Variants in FLT3LG observed in about 807,000 individuals in gnomAD.
FLT3LG encodes the protein fms-related tyrosine kinase 3 ligand.
FLT3LG carries 8 observed loss-of-function variants against 30.9 expected under a neutral mutation model. The observed-to-expected ratio is 0.26, with a 90% CI of 0.15 to 0.47. The LOEUF (loss-of-function observed/expected upper bound fraction) is 0.47, where lower values mean the gene tolerates loss of function less well. FLT3LG is among the 20% of genes least tolerant of loss of function. The pLI, the probability that FLT3LG is intolerant of heterozygous loss-of-function variation, is 0.99. For missense variants in FLT3LG, 278 were observed against 306.2 expected (o/e 0.91, Z 0.69); for synonymous variants, 123 against 135.9 (o/e 0.91, Z 0.66).
At chr19:49,480,230 C>A in intron 6 of FLT3LG, 68 bp from the exon 7 acceptor site, 2 of 1,197,522 alleles carry the variant, frequency 1.7e-6, no homozygotes, top group Non-Finnish European at 2.3e-6. Flanking sequence ...CCAGTGGCAG[C>A]CAGGCCTCTC....
intron 6 of FLT3LG, among the ~76,000 whole-genome samples, chr19:49,479,281 G>A (rs1232303926): frequency 4.1e-5 from 6 of 147,982 alleles, no homozygotes; most frequent in South Asian, 2.1e-4. Context: ...TGCAAGCTCC[G>A]CCTCTCGGGT....
At chr19:49,481,677 T>C (rs114016095) in intron 8 of FLT3LG, 3,375 of 152,264 alleles carry the variant, frequency 0.022, 133 homozygotes, top group African/African-American at 0.077. Context: ...GCAGGCCTCA[T>C]GTGGGGCTGG....
At chr19:49,479,339 C>T (rs528292984) in intron 6 of FLT3LG, among the ~76,000 whole-genome samples, 28 of 151,444 alleles carry the variant, frequency 1.8e-4, no homozygotes, top group Non-Finnish European at 2.9e-4. Flanking sequence ...GGACCACAGG[C>T]GCCCGCCACC....
In FLT3LG at chr19:49,480,445, C is replaced by A. The variant is rs536387772; in HGVS notation, c.629C>A (p.Thr210Lys). The A allele has an allele frequency of 2.5e-6, 4 of 1,593,324 alleles. No homozygotes were observed. The highest frequency in any genetic ancestry group is 2.6e-6 in the Non-Finnish European group (3 of 1,170,436). Reference sequence around the variant, plus strand: ...GCCTGGTGCCTGCACTGGCAGAGGACGCGGCGGAGGACACCCCGCCCTGGG... The same window carrying A: ...GCCTGGTGCCTGCACTGGCAGAGGAAGCGGCGGAGGACACCCCGCCCTGGG... ...AAAWCLHWQR[T>K]RRRTPRPGEQ... Residue 210 changes from threonine (T) to lysine (K), a missense_variant, in exon 7 of 9, where the codon ACG becomes AAG. Physicochemically the swap from Thr to Lys is moderately conservative, Grantham distance 78 (BLOSUM62 -1). Around this residue, in one of 3 missense-constraint regions of FLT3LG, gnomAD observed 170 missense variants for 162.0 expected, o/e 1.05. Coordinates refer to ENST00000597551, the MANE Select transcript of FLT3LG (RefSeq NM_001459.4).
At chr19:49,478,346 A>G (rs1157434043) in intron 5 of FLT3LG, among the ~76,000 whole-genome samples, 2 of 152,054 alleles carry the variant, frequency 1.3e-5, no homozygotes, top group African/African-American at 4.8e-5. Context: ...AGGCGCCTGT[A>G]GTCCCAACTA....
intron 6 of FLT3LG, 55 bp downstream of exon 6, chr19:49,479,102 TCC>T: frequency 6.5e-7 from 1 of 1,538,770 alleles, no homozygotes; most frequent in South Asian, 1.2e-5. Flanking sequence ...CGGCCGCTCC[TCC>T]TCTCTGCACA....
chr19:49,484,245 C>G (rs1271520162), intron 8 of FLT3LG, among the ~76,000 whole-genome samples: 1 of 149,868 alleles, frequency 6.7e-6, no homozygotes, highest in Non-Finnish European at 1.5e-5. Context: ...CAACCTAGTC[C>G]CTGTCCAATC....
chr19:49,478,786 A>G (rs117486964), intron 5 of FLT3LG, 123 bp from the exon 6 acceptor site: 43,630 of 856,076 alleles, frequency 0.051, 1,477 homozygotes, highest in Middle Eastern at 0.12. Context: ...AAATAAATAA[A>G]CTCTGAGAGC....
chr19:49,478,862 C>T (rs769957989), intron 5 of FLT3LG, 47 bp from the exon 6 acceptor site: 73 of 1,458,352 alleles, frequency 5.0e-5, no homozygotes, highest in Non-Finnish European at 5.0e-5. Context: ...TGCGGAGGGG[C>T]GGTGGGGGGA....
chr19:49,479,908 G>C (rs115684259), intron 6 of FLT3LG, among the ~76,000 whole-genome samples: 17 of 151,824 alleles, frequency 1.1e-4, no homozygotes, highest in Non-Finnish European at 1.8e-4. Context: ...GGGTTCAAGC[G>C]AATCTTCTGC....
chr19:49,484,308 T>C (rs569782731), intron 8 of FLT3LG, among the ~76,000 whole-genome samples: 18 of 147,494 alleles, frequency 1.2e-4, no homozygotes, highest in African/African-American at 4.3e-4. Flanking sequence ...TTTTTTTTTT[T>C]TGTGAGACAG....
intron 2 of FLT3LG, 107 bp from the exon 3 acceptor site, chr19:49,475,584 C>A: frequency 1.4e-6 from 2 of 1,405,754 alleles, no homozygotes; most frequent in Non-Finnish European, 1.9e-6. Flanking sequence ...AGAAGGACAC[C>A]CAGGGAAGGA....
At chr19:49,475,522 C>G (rs1477054958) in intron 2 of FLT3LG, among the ~76,000 whole-genome samples, 169 bp from the exon 3 acceptor site, 1 of 151,818 alleles carries the variant, frequency 6.6e-6, no homozygotes, top group East Asian at 1.9e-4. Flanking sequence ...AGAGAGAAAC[C>G]GGGAAAGACA....
intron 3 of FLT3LG, 95 bp downstream of exon 3, chr19:49,475,896 G>C: frequency 7.9e-7 from 1 of 1,259,064 alleles, no homozygotes; most frequent in Non-Finnish European, 1.1e-6. Context: ...GTGTTTCCCA[G>C]GGTGGTCTTG....
intron 8 of FLT3LG, among the ~76,000 whole-genome samples, chr19:49,485,248 C>CTTTTTTTTTT (rs55877586): frequency 4.9e-5 from 6 of 121,840 alleles, no homozygotes; most frequent in Admixed American, 1.6e-4. Context: ...TCTTTTTTTT[C>CTTTTTTTTTT]TTTTTTTTTT....
rs778355978 is a variant in FLT3LG, at chr19:49,475,847, C to T, written c.144+46C>T. On this transcript the variant is annotated intron_variant, in intron 3 of 8. Coordinates refer to ENST00000597551, the MANE Select transcript of FLT3LG (RefSeq NM_001459.4). ...CCCCCTCATGTGATCCCCCTTCCCC[C>T]CACTTTTTTTTTTAAGTAGAGATGG... 2.6e-6 allele frequency: 4 copies of T among 1,559,556 alleles called. No homozygotes were observed. The Admixed American group carries it at 5.2e-5, about 20-fold the overall frequency.
intron 2 of FLT3LG, among the ~76,000 whole-genome samples, 179 bp downstream of exon 2, chr19:49,474,851 G>A (rs1030276489): frequency 8.5e-5 from 12 of 141,950 alleles, no homozygotes; most frequent in African/African-American, 2.7e-4. Flanking sequence ...GGGGGAGATG[G>A]ACAGAGGATG....
chr19:49,480,801 G>A (rs1424916551), intron 8 of FLT3LG, 181 bp downstream of exon 8: 1 of 622,272 alleles, frequency 1.6e-6, no homozygotes, highest in Non-Finnish European at 2.8e-6. Flanking sequence ...GGAGGCCGAG[G>A]CGGGTGGATC....
intron 8 of FLT3LG, among the ~76,000 whole-genome samples, chr19:49,482,874 G>A (rs1012003992): frequency 3.9e-5 from 6 of 151,950 alleles, no homozygotes; most frequent in Admixed American, 1.3e-4. Flanking sequence ...TGATCCACCC[G>A]CCTCAGCCTC....
Sources: gnomAD v4.1 joint callset for allele counts (sites outside exome capture counted in the v4.1 genomes callset) on GRCh38, gnomAD v4.1.1 for gene constraint, gnomAD v4.1.1 regional missense constraint, MANE v1.5 for transcripts, NCBI Gene and HGNC (gene_info 2026-07-23, HGNC 2026-07-21) for gene names.